The following ETFBKMT variants were observed in gnomAD, a reference collection of about 807,000 sequenced individuals.
ETFBKMT encodes electron transfer flavoprotein subunit beta lysine methyltransferase.
ETFBKMT carries 13 observed loss-of-function variants against 18.3 expected under a neutral mutation model. The ratio of observed to expected loss-of-function variants is 0.71; its 90% CI spans 0.46 to 1.13. The LOEUF is 1.13. ETFBKMT is among the 50% of genes most tolerant of loss of function. The pLI is 0.00. For missense variants in ETFBKMT, 293 were observed against 306.2 expected (o/e 0.96, Z 0.32); for synonymous variants, 84 against 107.9 (o/e 0.78, Z 1.37).
upstream of ETFBKMT, among the ~76,000 whole-genome samples, chr12:31,655,382 C>T (rs1211558643): frequency 6.6e-6 from 1 of 152,162 alleles, no homozygotes; most frequent in Non-Finnish European, 1.5e-5. Context: ...TCTTTCCTGG[C>T]TCCTAAACCT....
intron 1 of ETFBKMT, among the ~76,000 whole-genome samples, chr12:31,648,464 C>T (rs561715241): frequency 6.7e-6 from 1 of 149,508 alleles, no homozygotes; most frequent in Non-Finnish European, 1.5e-5. Flanking sequence ...CAGGTTCAAG[C>T]GATTCTCCTG....
At chr12:31,649,804 C>T (rs1283906198) in intron 1 of ETFBKMT, among the ~76,000 whole-genome samples, 4 of 146,632 alleles carry the variant, frequency 2.7e-5, no homozygotes, top group Non-Finnish European at 3.0e-5. Context: ...CTCTCCGTAG[C>T]GAAGTACAAT....
At chr12:31,651,934 G>A (rs1033648175) in intron 1 of ETFBKMT, among the ~76,000 whole-genome samples, 1 of 152,214 alleles carries the variant, frequency 6.6e-6, no homozygotes, top group Admixed American at 6.5e-5. Context: ...AGTGAACGCA[G>A]GGAGGAACTT....
At chr12:31,667,613 T>C (rs763916917) in intron 3 of ETFBKMT, 34 bp from the exon 4 acceptor site, 28 of 1,406,718 alleles carry the variant, frequency 2.0e-5, no homozygotes, top group Non-Finnish European at 2.7e-5. Flanking sequence ...GCCTAGCATA[T>C]ACCAATTCAT....
chr12:31,656,556 C>T (rs1951063778), upstream of ETFBKMT, among the ~76,000 whole-genome samples: 1 of 152,174 alleles, frequency 6.6e-6, no homozygotes, highest in Non-Finnish European at 1.5e-5. Context: ...ATGAACAGCA[C>T]AGGCCAATCG....
In ETFBKMT at chr12:31,666,208, A is replaced by AT. The variant is rs1356609556; in HGVS notation, c.437dup (p.Asp147ArgfsTer13). The AT allele has an allele frequency of 6.2e-7, 1 of 1,613,130 alleles. No homozygotes were observed. Among genetic ancestry groups the AT allele is most frequent in the Admixed American group, 1.7e-5 (1 of 59,690 alleles). On this transcript the variant is annotated frameshift_variant, in exon 3 of 4. Coordinates refer to ENST00000357721, the MANE Select transcript of ETFBKMT (RefSeq NM_001135863.2). LOFTEE classifies it low-confidence loss of function (END_TRUNC). ...GGCATCAAGGATCTTGGCCAATGAC[A>AT]TAGACCCTAGTAAGGATTCATATTT...
In ETFBKMT at chr12:31,668,276, T is replaced by C. The variant is rs117865570; in HGVS notation, c.*286T>C. ...CATACTCAATGGTGGCAGCATTTAA[T>C]TTAAGTAATGGAGAAGAATTAAACA... On this transcript the variant is annotated 3_prime_UTR_variant, in exon 4 of 4. Transcript: ENST00000357721. The C allele has an allele frequency of 2.4e-3, 678 of 285,668 alleles. 2 individuals are homozygous for C. Among genetic ancestry groups the C allele is most frequent in the Non-Finnish European group, 3.5e-3 (546 of 154,350 alleles). The allele number at this position is 285,668 out of a possible 1,614,324, so 17.7% of individuals were successfully genotyped here.
At position 31,668,029 on chromosome 12, in the gene ETFBKMT, T is replaced by G. The variant is rs1229998243; in HGVS notation, c.*39T>G. The G allele has an allele frequency of 1.3e-6, 2 of 1,525,246 alleles. No individual in the cohort carries two copies. Among genetic ancestry groups the G allele is most frequent in the African/African-American group, 2.8e-5 (2 of 72,210 alleles). 94.5% of individuals were successfully genotyped at this position (1,525,246 alleles called of 1,614,324 possible). A position where few individuals can be genotyped will look rare whatever the true frequency, so the allele number is the denominator to read the frequency against. ...TTCCAAGTATGAATATAGTAATGTT[T>G]GGATCTGACTCTAAAAGTTTTCTCT... On this transcript the variant is annotated 3_prime_UTR_variant, in exon 4 of 4. Transcript: ENST00000357721.
intron 1 of ETFBKMT, among the ~76,000 whole-genome samples, chr12:31,651,248 G>A (rs1951015045): frequency 4.6e-5 from 7 of 151,746 alleles, no homozygotes; most frequent in Admixed American, 4.6e-4. Context: ...CCTCCCCACT[G>A]ACGTGTCCAT....
chr12:31,648,799 G>A (rs1385148695), intron 1 of ETFBKMT, among the ~76,000 whole-genome samples: 1 of 152,098 alleles, frequency 6.6e-6, no homozygotes, highest in Non-Finnish European at 1.5e-5. Flanking sequence ...CTGACCTTGT[G>A]ATCTGCCCAC....
chr12:31,664,234 G>C (rs936418222), intron 2 of ETFBKMT, among the ~76,000 whole-genome samples: 1 of 151,700 alleles, frequency 6.6e-6, no homozygotes, highest in Non-Finnish European at 1.5e-5. Context: ...CGCTTGTTTG[G>C]TAACTATTTA....
At chr12:31,659,195 G>A (rs1951088854), upstream of ETFBKMT, 1 of 152,264 alleles carries the variant, frequency 6.6e-6, no homozygotes, top group African/African-American at 2.4e-5. Flanking sequence ...GGGCCGCGAG[G>A]GGCCGCCGTC....
chr12:31,651,307 C>CTTT (rs71062448), intron 1 of ETFBKMT, among the ~76,000 whole-genome samples: 25 of 144,612 alleles, frequency 1.7e-4, no homozygotes, highest in Non-Finnish European at 1.7e-4. Flanking sequence ...GATGCCTTCC[C>CTTT]TTTTTTTTTT....
At chr12:31,666,050 T>G in intron 2 of ETFBKMT, 37 bp from the exon 3 acceptor site, 1 of 1,576,524 alleles carries the variant, frequency 6.3e-7, no homozygotes, top group Non-Finnish European at 8.6e-7. Context: ...TTATTTTTCC[T>G]CATCTCTCTG....
chr12:31,647,961 T>C (rs560733596), intron 1 of ETFBKMT, among the ~76,000 whole-genome samples: 4 of 152,200 alleles, frequency 2.6e-5, no homozygotes, highest in Non-Finnish European at 4.4e-5. Flanking sequence ...AGTCTGGCAA[T>C]TCCTAAATAA....
At chr12:31,664,620 T>C (rs982389874) in intron 2 of ETFBKMT, among the ~76,000 whole-genome samples, 55 of 150,392 alleles carry the variant, frequency 3.7e-4, no homozygotes, top group Admixed American at 1.3e-3. Context: ...TTCTTTCTTT[T>C]TTTTTTTTTT....
intron 1 of ETFBKMT, among the ~76,000 whole-genome samples, chr12:31,650,618 T>C (rs1951008209): frequency 6.6e-6 from 1 of 150,700 alleles, no homozygotes; most frequent in African/African-American, 2.5e-5. Context: ...AAGATTGAAA[T>C]GACCTGACCT....
At chr12:31,653,163 C>T (rs1046905880) in intron 1 of ETFBKMT, among the ~76,000 whole-genome samples, 2 of 145,046 alleles carry the variant, frequency 1.4e-5, no homozygotes, top group Non-Finnish European at 3.0e-5. Flanking sequence ...GAGCTGAGAT[C>T]GTGCCACTGC....
intron 1 of ETFBKMT, among the ~76,000 whole-genome samples, chr12:31,652,077 C>T (rs927820301): frequency 1.7e-4 from 26 of 152,256 alleles, no homozygotes; most frequent in African/African-American, 5.5e-4. Flanking sequence ...GGTGGGGTAA[C>T]CAGGCTTCCC....
Sources: gnomAD v4.1 joint callset for allele counts (sites outside exome capture counted in the v4.1 genomes callset) on GRCh38, gnomAD v4.1.1 for gene constraint, MANE v1.5 for transcripts, NCBI Gene and HGNC (gene_info 2026-07-23, HGNC 2026-07-21) for gene names.